The following TEX10 variants were observed in gnomAD, a reference collection of about 807,000 sequenced individuals.
TEX10 encodes testis expressed 10.
Under a neutral mutation model 104.4 loss-of-function variants are expected in TEX10, and 24 were observed. The observed-to-expected ratio is 0.23, with a 90% confidence interval of 0.17 to 0.32. The LOEUF (loss-of-function observed/expected upper bound fraction) is 0.32. Among genes scored for constraint, TEX10 ranks in the 10% least tolerant of loss-of-function variants. The probability of loss-of-function intolerance (pLI) is 1.00; values close to 1 mark genes in which losing one functional copy is unlikely to be tolerated. For synonymous variants in TEX10, 396 were observed against 393.4 expected (o/e 1.01, Z -0.08); for missense variants, 921 against 1,083.9 (o/e 0.85, Z 2.11).
At chr9:100,336,926 C>T (rs1213934645) in intron 5 of TEX10, among the ~76,000 whole-genome samples, 1 of 152,164 alleles carries the variant, frequency 6.6e-6, no homozygotes, top group Non-Finnish European at 1.5e-5. Flanking sequence ...GTCACACTGG[C>T]AATCCATCTT....
chr9:100,346,783 G>A lies in TEX10; in HGVS notation c.804C>T (p.Asn268=), dbSNP rs1201659095. 1.2e-6 allele frequency: 2 copies of A among 1,614,018 alleles called. No individual in the cohort carries two copies. The highest frequency in any genetic ancestry group is 1.1e-5 in the South Asian group (1 of 91,092). ...PHATSNSIFI[N]WKEHANDQQH... is the part of the protein sequence containing the mutation. Reference sequence around the variant, plus strand: ...GCTGGTCGTTGGCATGTTCCTTCCAGTTGATAAAAATGGAGTTGCTAGTGG... The same window carrying A: ...GCTGGTCGTTGGCATGTTCCTTCCAATTGATAAAAATGGAGTTGCTAGTGG... The change falls in exon 3 of 15, where the codon AAC becomes AAT. Residue 268 remains asparagine, a synonymous_variant. Transcript: ENST00000374902.
At position 100,346,678 on chromosome 9, in the gene TEX10, C is replaced by A; in HGVS notation, c.893+16G>T. ...ATACAGCAAAACTGTGTGGACATAACTGAAATCCTTCTTACCGTAGCCTGA... is the reference window on the plus strand; with the variant it reads ...ATACAGCAAAACTGTGTGGACATAAATGAAATCCTTCTTACCGTAGCCTGA... On this transcript the variant is annotated intron_variant, in intron 3 of 14. Coordinates refer to ENST00000374902, the MANE Select transcript of TEX10 (RefSeq NM_017746.4). 1 of 1,591,428 alleles carries A rather than the reference C, an allele frequency of 6.3e-7. No individual in the cohort carries two copies. The highest frequency in any genetic ancestry group is 8.6e-7 in the Non-Finnish European group (1 of 1,169,092).
chr9:100,313,889 T>C (rs1834345447), intron 11 of TEX10, among the ~76,000 whole-genome samples: 1 of 151,852 alleles, frequency 6.6e-6, no homozygotes, highest in Admixed American at 6.6e-5. Flanking sequence ...AACGTAGCCT[T>C]CTTTTCTCAG....
chr9:100,329,193 C>G lies in TEX10; in HGVS notation c.1572G>C (p.Leu524Phe). 6.2e-7 allele frequency: 1 copy of G among 1,612,196 alleles called. No individual in the cohort carries two copies. Among genetic ancestry groups the G allele is most frequent in the Non-Finnish European group, 8.5e-7 (1 of 1,179,508 alleles). The change falls in exon 7 of 15, where the codon TTG (leucine) becomes TTC (phenylalanine). Residue 524 changes from leucine (L) to phenylalanine (F), a missense_variant. Coordinates refer to ENST00000374902, the MANE Select transcript of TEX10 (RefSeq NM_017746.4). Reference protein sequence around the residue: ...GLILPVRTLLLKFFSKIYQTE... With the variant: ...GLILPVRTLLFKFFSKIYQTE... ...TCTGATAGATTTTACTGAAAAACTT[C>G]AATAACAAAGTCCGAACTGGAAGGA...
chr9:100,334,813 C>T (rs768968197), intron 5 of TEX10, among the ~76,000 whole-genome samples: 55 of 152,008 alleles, frequency 3.6e-4, no homozygotes, highest in Admixed American at 1.6e-3. Flanking sequence ...TACAGTTGTG[C>T]GCCACCACAC....
chr9:100,339,615 T>C (rs1835119776), intron 5 of TEX10, among the ~76,000 whole-genome samples: 1 of 152,030 alleles, frequency 6.6e-6, no homozygotes, highest in African/African-American at 2.4e-5. Flanking sequence ...AAAGAGCCTT[T>C]GACAGATTTT....
At chr9:100,332,172 C>A (rs1274475128) in intron 5 of TEX10, among the ~76,000 whole-genome samples, 1 of 152,180 alleles carries the variant, frequency 6.6e-6, no homozygotes, top group Non-Finnish European at 1.5e-5. Flanking sequence ...CTGCTCCTAG[C>A]TGCAAAGAAA....
chr9:100,320,678 T>C (rs533365237), intron 10 of TEX10, among the ~76,000 whole-genome samples: 3 of 152,314 alleles, frequency 2.0e-5, no homozygotes, highest in Admixed American at 1.3e-4. Flanking sequence ...CAATTTTACT[T>C]AGAGTGAAAG....
rs770261559 is a variant in TEX10 at position 100,329,211 on chromosome 9, T to C, written c.1554A>G (p.Pro518=). The C allele has an allele frequency of 2.7e-5, 43 of 1,612,956 alleles. No individual in the cohort carries two copies. In the Middle Eastern group the frequency reaches 9.9e-4, roughly 37 times the overall value. ...AAAACTTCAATAACAAAGTCCGAAC[T>C]GGAAGGATAAGGCCCCTCTGCTGAT... ...TLYQQRGLIL[P]VRTLLLKFFS... is the part of the protein sequence containing the mutation. The change falls in exon 7 of 15, where the codon CCA becomes CCG. Residue 518 remains proline (P), a synonymous_variant. Transcript: ENST00000374902.
chr9:100,302,777 C>T (rs1413564208), intron 14 of TEX10, among the ~76,000 whole-genome samples: 1 of 152,174 alleles, frequency 6.6e-6, no homozygotes, highest in Non-Finnish European at 1.5e-5. Flanking sequence ...AATTATTCCA[C>T]TGCCACTTCC....
intron 11 of TEX10, among the ~76,000 whole-genome samples, chr9:100,312,441 T>G (rs1392558773): frequency 6.6e-6 from 1 of 152,208 alleles, no homozygotes; most frequent in African/African-American, 2.4e-5. Context: ...GCCAGGTTTC[T>G]ATCAGAGAAA....
intron 9 of TEX10, 48 bp from the exon 10 acceptor site, chr9:100,321,819 A>AAGTCTGTCAAGTTG: frequency 4.9e-6 from 7 of 1,423,004 alleles, no homozygotes; most frequent in African/African-American, 1.4e-5. Flanking sequence ...CCAACTTGAC[A>AAGTCTGTCAAGTTG]GACTTGTCAA....
rs569740089 is a variant in TEX10, at chr9:100,324,763, G to T, written c.1979+1539C>A. Among the ~76,000 whole-genome samples the T allele has an allele frequency of 4.6e-5, 7 of 152,282 alleles. No individual in the cohort carries two copies. The East Asian group carries it at 1.4e-3, about 29-fold the overall frequency. ...GAAACATTCAAGGGGTGATTTAACG[G>T]AACTGAATGTAAGTTATATCTAAGG... On this transcript the variant is annotated intron_variant, in intron 9 of 14. Transcript: ENST00000374902.
In TEX10 at chr9:100,308,522, C is replaced by A; in HGVS notation, c.2443G>T (p.Glu815Ter). 1.3e-6 allele frequency: 2 copies of A among 1,592,444 alleles called. No individual in the cohort carries two copies. Among genetic ancestry groups the A allele is most frequent in the South Asian group, 1.2e-5 (1 of 86,076 alleles). ...LYFLLTIEKG[E>*]AEHLRKRDKL... is the part of the protein sequence containing the mutation. ...TACCTCTTTCTTAGATGTTCTGCTT[C>A]CCCTTTCTCTATAGTGAGCAGAAAA... The change falls in exon 13 of 15, where the codon GAA becomes TAA. Residue 815 changes from glutamate to a stop codon, truncating the protein, a stop_gained. Transcript: ENST00000374902. LOFTEE classifies it high-confidence loss of function.
At chr9:100,327,501 C>A (rs1314496165) in intron 8 of TEX10, among the ~76,000 whole-genome samples, 1 of 151,032 alleles carries the variant, frequency 6.6e-6, no homozygotes, top group Non-Finnish European at 1.5e-5. Flanking sequence ...GCCATCAGAG[C>A]TTCAAAGGAA....
At chr9:100,349,962 C>A (rs1287017163) in intron 1 of TEX10, among the ~76,000 whole-genome samples, 1 of 152,076 alleles carries the variant, frequency 6.6e-6, no homozygotes, top group African/African-American at 2.4e-5. Context: ...AGGGGATAAA[C>A]CTAGCACAGC....
At chr9:100,342,057 G>C (rs1048214224) in intron 4 of TEX10, among the ~76,000 whole-genome samples, 11 of 152,248 alleles carry the variant, frequency 7.2e-5, no homozygotes, top group Middle Eastern at 3.4e-3. Context: ...CATTCTCCCA[G>C]TACCTCATTT....
chr9:100,312,511 C>A (rs762084503), intron 11 of TEX10, among the ~76,000 whole-genome samples: 3 of 152,182 alleles, frequency 2.0e-5, no homozygotes, highest in Non-Finnish European at 4.4e-5. Context: ...TGAATGACTA[C>A]TTTATGTCCA....
intron 11 of TEX10, among the ~76,000 whole-genome samples, chr9:100,315,863 T>A (rs1436666160): frequency 6.6e-6 from 1 of 152,216 alleles, no homozygotes; most frequent in African/African-American, 2.4e-5. Context: ...GACAGTCTGA[T>A]TATAATATGT....
Sources: allele counts gnomAD v4.1 joint callset (sites outside exome capture counted in the v4.1 genomes callset), GRCh38; gene constraint gnomAD v4.1.1; transcripts MANE v1.5; gene names NCBI Gene and HGNC (gene_info 2026-07-23, HGNC 2026-07-21).